Variants in TBCD observed in about 807,000 individuals in gnomAD.
The protein encoded by TBCD is tubulin-specific chaperone D.
TBCD carries 105 observed loss-of-function variants against 169.3 expected under a neutral mutation model. The observed-to-expected ratio is 0.62, with a 90% CI of 0.53 to 0.73. The LOEUF (loss-of-function observed/expected upper bound fraction) is 0.73, where lower values mean the gene tolerates loss of function less well. Among genes scored for constraint, TBCD ranks in the 30% least tolerant of loss-of-function variants. The pLI is 0.00. For missense variants in TBCD, 1,444 were observed against 1,600.1 expected (o/e 0.90, Z 1.66); for synonymous variants, 700 against 643.9 (o/e 1.09, Z -1.32).
At chr17:82,758,650 T>C (rs867864703) in intron 2 of TBCD, among the ~76,000 whole-genome samples, 15 of 126,280 alleles carry the variant, frequency 1.2e-4, no homozygotes, top group African/African-American at 6.2e-4. Context: ...CCCTTTTGCT[T>C]TTTTTTTTTT....
intron 6 of TBCD, among the ~76,000 whole-genome samples, chr17:82,779,998 C>G (rs932664711): frequency 6.6e-6 from 1 of 152,194 alleles, no homozygotes; most frequent in African/African-American, 2.4e-5. Flanking sequence ...TCTCCTTCCC[C>G]CCACCCCATA....
At chr17:82,860,417 C>T (rs979617616) in intron 13 of TBCD, 102 of 985,328 alleles carry the variant, frequency 1.0e-4, no homozygotes, top group Non-Finnish European at 1.1e-4. Flanking sequence ...GAGCGGACAG[C>T]GAGGGGGACA....
intron 29 of TBCD, among the ~76,000 whole-genome samples, chr17:82,927,704 G>A (rs1394255085): frequency 2.0e-5 from 3 of 152,104 alleles, no homozygotes; most frequent in Non-Finnish European, 4.4e-5. Context: ...GGTGTGTGTG[G>A]CTGTGGGTGG....
In TBCD at chr17:82,806,125, C is replaced by T. The variant is rs1257198719; in HGVS notation, c.1087+114C>T. The T allele has an allele frequency of 3.8e-5, 54 of 1,426,668 alleles. No individual in the cohort carries two copies. Among genetic ancestry groups the T allele is most frequent in the East Asian group, 4.9e-5 (2 of 40,472 alleles). The allele number at this position is 1,426,668 out of a possible 1,614,324, so 88.4% of individuals were successfully genotyped here. ...CTGGTGCCGGCACTGTCTGGCCACCCGTCCCCTTCGCTGAGTGCACGGTCA... is the reference window on the plus strand; with the variant it reads ...CTGGTGCCGGCACTGTCTGGCCACCTGTCCCCTTCGCTGAGTGCACGGTCA... On this transcript the variant is annotated intron_variant, in intron 10 of 38. Transcript: ENST00000355528. The surrounding 1 kb of genome is among the most constrained non-coding windows in gnomAD (Gnocchi z 5.1).
intron 13 of TBCD, among the ~76,000 whole-genome samples, chr17:82,846,009 A>C (rs2055003199): frequency 6.6e-6 from 1 of 152,240 alleles, no homozygotes; most frequent in Admixed American, 6.5e-5. Flanking sequence ...TAGGGGAGAC[A>C]CAGCAACATT....
At chr17:82,825,691 A>G (rs2052782673) in intron 13 of TBCD, among the ~76,000 whole-genome samples, 1 of 152,238 alleles carries the variant, frequency 6.6e-6, no homozygotes, top group African/African-American at 2.4e-5. Flanking sequence ...AACTCTAACC[A>G]GTTGCAAATA....
chr17:82,814,107 A>G (rs781612005), intron 12 of TBCD, among the ~76,000 whole-genome samples: 7 of 152,184 alleles, frequency 4.6e-5, no homozygotes, highest in Non-Finnish European at 1.0e-4. Context: ...GGCCATTGCA[A>G]TTGTTCATTA....
rs962849589 is a variant in TBCD at position 82,941,626 on chromosome 17, G to A, written c.3564+143G>A. ...CTCATGTCAGGACCCCTGGGATTACGGGACCAGCAGAGCTGCCTTCTCTGG... is the reference window on the plus strand; with the variant it reads ...CTCATGTCAGGACCCCTGGGATTACAGGACCAGCAGAGCTGCCTTCTCTGG... On this transcript the variant is annotated intron_variant, in intron 38 of 38. Transcript: ENST00000355528. 91 of 732,486 alleles carry A rather than the reference G, an allele frequency of 1.2e-4. 1 individual carries two copies. In the African/African-American group the frequency reaches 1.5e-3, roughly 12 times the overall value. The allele number at this position is 732,486 out of a possible 1,614,324, so 45.4% of individuals were successfully genotyped here.
At chr17:82,765,912 C>T (rs1288536195) in intron 3 of TBCD, among the ~76,000 whole-genome samples, 1 of 152,098 alleles carries the variant, frequency 6.6e-6, no homozygotes, top group African/African-American at 2.4e-5. Flanking sequence ...AACTCTTGGT[C>T]TCAAATGATT....
chr17:82,831,865 T>A lies in TBCD; in HGVS notation c.1318+16931T>A. ...GTAGCCAGGAGTGTGGAAGGCCGAC[T>A]TGGTGTGGAAAGACACGGCCTTGGC... On this transcript the variant is annotated intron_variant, in intron 13 of 38. Coordinates refer to ENST00000355528, the MANE Select transcript of TBCD (RefSeq NM_005993.5). This position sits in a 1 kb window ranked among gnomAD's most constrained non-coding sequence, Gnocchi z 4.6. 1 of 1,614,162 alleles carries A rather than the reference T, an allele frequency of 6.2e-7. No individual in the cohort carries two copies. Among genetic ancestry groups the A allele is most frequent in the Non-Finnish European group, 8.5e-7 (1 of 1,180,010 alleles).
At chr17:82,757,363 G>A (rs1443270853) in intron 2 of TBCD, among the ~76,000 whole-genome samples, 1 of 151,134 alleles carries the variant, frequency 6.6e-6, no homozygotes, top group Non-Finnish European at 1.5e-5. Context: ...GCTCATGCCT[G>A]TAATCCCAGC....
intron 13 of TBCD, among the ~76,000 whole-genome samples, chr17:82,839,577 C>T (rs1443295653): frequency 1.3e-5 from 2 of 152,126 alleles, no homozygotes; most frequent in African/African-American, 4.8e-5. Flanking sequence ...TATATATGAC[C>T]CTTACCTCTT....
At chr17:82,760,296 C>A (rs1441902042) in intron 2 of TBCD, among the ~76,000 whole-genome samples, 1 of 152,216 alleles carries the variant, frequency 6.6e-6, no homozygotes. Flanking sequence ...TCACTCTCCA[C>A]CCTTTGGAAT....
rs1469262780 is a variant in TBCD at position 82,766,305 on chromosome 17, T to A, written c.372T>A (p.His124Gln). The change falls in exon 4 of 39, where the codon CAT (histidine) becomes CAA (glutamine). Residue 124 changes from histidine to glutamine, a missense_variant. By Grantham distance (24) the His-to-Gln change is conservative (BLOSUM62 0). Coordinates refer to ENST00000355528, the MANE Select transcript of TBCD (RefSeq NM_005993.5). ...GYKTFLRLFP[H>Q]EVADVEPVLD... ...AAACATTTCTTCGTTTATTTCCTCA[T>A]GAAGTTGCCGATGTAGAGCCTGTTT... is the stretch of plus-strand genomic sequence containing the variant. 2 of 1,613,326 alleles carry A rather than the reference T, an allele frequency of 1.2e-6. No individual in the cohort carries two copies. Among genetic ancestry groups the A allele is most frequent in the Non-Finnish European group, 1.7e-6 (2 of 1,179,688 alleles).
At chr17:82,888,883 G>C (rs571566462) in intron 15 of TBCD, among the ~76,000 whole-genome samples, 16 of 152,358 alleles carry the variant, frequency 1.1e-4, no homozygotes, top group African/African-American at 3.8e-4. Flanking sequence ...AGCCTCCCTG[G>C]CCTCGCCCCT....
intron 5 of TBCD, 42 bp downstream of exon 5, chr17:82,768,608 T>C (rs1239815573): frequency 1.2e-6 from 2 of 1,602,924 alleles, no homozygotes; most frequent in Middle Eastern, 3.3e-4. Context: ...TAGTACTCAC[T>C]TTCATGTTCA....
At chr17:82,910,152 G>A (rs889473913) in intron 22 of TBCD, among the ~76,000 whole-genome samples, 7 of 152,240 alleles carry the variant, frequency 4.6e-5, no homozygotes, top group African/African-American at 1.7e-4. Flanking sequence ...ACGTTTCCTG[G>A]CTGACTACCA....
In TBCD at chr17:82,899,837, T is replaced by C. The variant is rs2059768492; in HGVS notation, c.1650-814T>C. 2.0e-5 allele frequency among the ~76,000 whole-genome samples: 3 copies of C among 152,358 alleles called. No homozygotes were observed. The South Asian group carries it at 6.2e-4, about 32-fold the overall frequency. ...TTACCCATTCGAGTGGGGGTAACGA[T>C]TTAACAATTAGCATTCCTGGCTGAA... On this transcript the variant is annotated intron_variant, in intron 17 of 38. Coordinates refer to ENST00000355528, the MANE Select transcript of TBCD (RefSeq NM_005993.5).
At position 82,897,487 on chromosome 17, in the gene TBCD, C is replaced by T. The variant is rs1054339007; in HGVS notation, c.1650-3164C>T. 5.6e-5 allele frequency among the ~76,000 whole-genome samples: 8 copies of T among 144,020 alleles called. No homozygotes were observed. The East Asian group carries it at 1.2e-3, about 22-fold the overall frequency. The allele number at this position is 144,020 out of a possible 152,430, so 94.5% of individuals were successfully genotyped here. ...GAGCCGAAATCGCGCCACTGCACTC[C>T]AGCCTGGGCAGCAGAATGAGACTCC... On this transcript the variant is annotated intron_variant, in intron 17 of 38. Coordinates refer to ENST00000355528, the MANE Select transcript of TBCD (RefSeq NM_005993.5).
Sources: gnomAD v4.1 joint callset for allele counts (sites outside exome capture counted in the v4.1 genomes callset) on GRCh38, gnomAD v4.1.1 for gene constraint, Gnocchi (gnomAD v3.1) non-coding constraint, MANE v1.5 for transcripts, NCBI Gene and HGNC (gene_info 2026-07-23, HGNC 2026-07-21) for gene names.